Variants in CADM2 observed in about 807,000 individuals in gnomAD.
The protein encoded by CADM2 is cell adhesion molecule 2, also known as immunoglobulin superfamily member 4D.
A neutral mutation model predicts 49.8 loss-of-function variants in CADM2; 12 were observed. The observed-to-expected ratio is 0.24, with a 90% CI of 0.15 to 0.39. The LOEUF is 0.39. CADM2 is among the 10% of genes least tolerant of loss of function. The pLI is 1.00. For synonymous variants in CADM2, 214 were observed against 175.4 expected (o/e 1.22, Z -1.74); for missense variants, 378 against 492.3 (o/e 0.77, Z 2.20).
At chr3:85,609,005 T>C (rs2063607771) in intron 1 of CADM2, among the ~76,000 whole-genome samples, 1 of 152,152 alleles carries the variant, frequency 6.6e-6, no homozygotes, top group South Asian at 2.1e-4. Flanking sequence ...TTACAATTTT[T>C]TTGTTCTACT....
At chr3:85,495,423 G>A (rs2039846675) in intron 1 of CADM2, among the ~76,000 whole-genome samples, 1 of 152,000 alleles carries the variant, frequency 6.6e-6, no homozygotes, top group South Asian at 2.1e-4. Flanking sequence ...TCTTCCTTTA[G>A]CTAAAACTGC....
intron 1 of CADM2, among the ~76,000 whole-genome samples, chr3:85,347,087 G>A (rs2030740696): frequency 6.6e-6 from 1 of 151,778 alleles, no homozygotes; most frequent in Non-Finnish European, 1.5e-5. Flanking sequence ...GCCAGGTATG[G>A]TGGTGCATGC....
At chr3:85,525,978 A>G (rs897363973) in intron 1 of CADM2, among the ~76,000 whole-genome samples, 7 of 152,080 alleles carry the variant, frequency 4.6e-5, no homozygotes, top group Admixed American at 2.0e-4. Context: ...TTACCTTTAC[A>G]TAGTTATAAA....
At chr3:85,367,451 A>T (rs1001073135) in intron 1 of CADM2, among the ~76,000 whole-genome samples, 2 of 151,674 alleles carry the variant, frequency 1.3e-5, no homozygotes, top group African/African-American at 4.8e-5. Context: ...TTATTTTGCA[A>T]TTGCCGTTCA....
chr3:85,288,805 C>A, intron 1 of CADM2, among the ~76,000 whole-genome samples: 1 of 111,210 alleles, frequency 9.0e-6, no homozygotes, highest in Non-Finnish European at 1.9e-5. Flanking sequence ...CTCTTTTTTT[C>A]CATCATGGCT....
At chr3:84,985,167 T>C (rs2032482031) in intron 1 of CADM2, among the ~76,000 whole-genome samples, 1 of 152,156 alleles carries the variant, frequency 6.6e-6, no homozygotes, top group Admixed American at 6.6e-5. Flanking sequence ...GTTGTGAATT[T>C]TTACAGGGCT....
chr3:84,978,803 G>A (rs1374428799), intron 1 of CADM2, among the ~76,000 whole-genome samples: 4 of 151,982 alleles, frequency 2.6e-5, no homozygotes, highest in Non-Finnish European at 5.9e-5. Context: ...AGGCCATAGG[G>A]GAAATTTTAC....
At chr3:85,859,352 T>A (rs2075438211) in intron 3 of CADM2, among the ~76,000 whole-genome samples, 1 of 147,354 alleles carries the variant, frequency 6.8e-6, no homozygotes, top group Non-Finnish European at 1.5e-5. Context: ...TGCCTCAGCC[T>A]CTTAAGTAGC....
intron 1 of CADM2, among the ~76,000 whole-genome samples, chr3:84,969,952 A>ACTT: frequency 6.6e-6 from 1 of 151,436 alleles, no homozygotes; most frequent in Admixed American, 6.6e-5. Flanking sequence ...TTCTTGTTCT[A>ACTT]CTTTGAGTAG....
intron 6 of CADM2, among the ~76,000 whole-genome samples, chr3:85,921,565 C>T (rs1195732820): frequency 2.0e-5 from 3 of 151,992 alleles, no homozygotes; most frequent in Non-Finnish European, 2.9e-5. Context: ...CATATACACC[C>T]TCTCCTCACT....
chr3:85,690,881 A>T (rs985663736), intron 1 of CADM2, among the ~76,000 whole-genome samples: 1 of 152,234 alleles, frequency 6.6e-6, no homozygotes, highest in African/African-American at 2.4e-5. Context: ...AGCATTTAGC[A>T]TGTGCATCAC....
At chr3:85,180,241 G>T (rs2040895576) in intron 1 of CADM2, among the ~76,000 whole-genome samples, 1 of 152,112 alleles carries the variant, frequency 6.6e-6, no homozygotes, top group South Asian at 2.1e-4. Context: ...CAGAGCAGTG[G>T]CTCATGCCTG....
At chr3:85,812,812 T>G (rs2072963394) in intron 3 of CADM2, among the ~76,000 whole-genome samples, 1 of 152,174 alleles carries the variant, frequency 6.6e-6, no homozygotes, top group South Asian at 2.1e-4. Context: ...TGGTTTTCCG[T>G]TCTTGTGACA....
chr3:85,407,493 A>G (rs2035441699), intron 1 of CADM2, among the ~76,000 whole-genome samples: 1 of 152,162 alleles, frequency 6.6e-6, no homozygotes, highest in African/African-American at 2.4e-5. Flanking sequence ...ACCTTTTACT[A>G]TTAAACCCTT....
At chr3:86,039,618 A>C (rs772240117) in intron 8 of CADM2, among the ~76,000 whole-genome samples, 23 of 152,308 alleles carry the variant, frequency 1.5e-4, no homozygotes, top group Non-Finnish European at 1.2e-4. Context: ...ACTGCAGCTC[A>C]AGGAGGCCTG....
At chr3:85,724,924 T>C (rs2067635733) in intron 1 of CADM2, among the ~76,000 whole-genome samples, 1 of 151,912 alleles carries the variant, frequency 6.6e-6, no homozygotes, top group Non-Finnish European at 1.5e-5. Flanking sequence ...TATTAAATAT[T>C]TTAGTGGGCT....
At chr3:85,501,894 T>A (rs919392352) in intron 1 of CADM2, among the ~76,000 whole-genome samples, 1 of 152,170 alleles carries the variant, frequency 6.6e-6, no homozygotes, top group Non-Finnish European at 1.5e-5. Context: ...ATATCTCCTT[T>A]CTTGTCCTTA....
At chr3:85,835,080 A>C (rs370538861) in intron 3 of CADM2, among the ~76,000 whole-genome samples, 88 of 151,740 alleles carry the variant, frequency 5.8e-4, no homozygotes, top group African/African-American at 2.0e-3. Context: ...AGAGTAAAGA[A>C]ATGTGTAACT....
rs543888657 is a variant in CADM2 at position 85,757,511 on chromosome 3, T to C, written c.88+30963T>C. ...TGATAAATGTTAGGTATATAGATAG[T>C]AGATGATACAGAAACATGAGATGGA... is the stretch of plus-strand genomic sequence containing the variant. On this transcript the variant is annotated intron_variant, in intron 2 of 9. Transcript: ENST00000383699. Among the ~76,000 whole-genome samples, 3 of 152,108 alleles carry C rather than the reference T, an allele frequency of 2.0e-5. No homozygotes were observed. The South Asian group carries it at 6.2e-4, about 32-fold the overall frequency.
Sources: gnomAD v4.1 joint callset for allele counts (sites outside exome capture counted in the v4.1 genomes callset) on GRCh38, gnomAD v4.1.1 for gene constraint, MANE v1.5 for transcripts, NCBI Gene and HGNC (gene_info 2026-07-23, HGNC 2026-07-21) for gene names.